PPP2R1B: variants seen among roughly 807,000 people sequenced by gnomAD.
PPP2R1B encodes serine/threonine-protein phosphatase 2A 65 kDa regulatory subunit A beta isoform.
PPP2R1B carries 58 observed loss-of-function variants against 72.7 expected under a neutral mutation model. That is an observed-to-expected ratio of 0.80 (90% CI 0.65 to 0.99). PPP2R1B has a LOEUF of 0.99. Ranked by LOEUF, PPP2R1B falls within the 50% of genes least tolerant of loss-of-function variation. The probability of loss-of-function intolerance (pLI) is 0.00; values close to 1 mark genes in which losing one functional copy is unlikely to be tolerated. For missense variants in PPP2R1B, 695 were observed against 733.6 expected (o/e 0.95, Z 0.61); for synonymous variants, 256 against 264.6 (o/e 0.97, Z 0.32).
chr11:111,697,977 C>T, the PPP2R1B span, among the ~76,000 whole-genome samples: 2 of 152,130 alleles, frequency 1.3e-5, no homozygotes, highest in Non-Finnish European at 2.9e-5. Context: ...CACCACTGCC[C>T]TCCAGCCTGG....
At chr11:111,755,150 C>G (rs1360491897) in intron 6 of PPP2R1B, 56 bp from the exon 7 acceptor site, 1 of 1,548,562 alleles carries the variant, frequency 6.5e-7, no homozygotes, top group Non-Finnish European at 8.8e-7. Context: ...TTAACAAGAA[C>G]AAAACAAAAT....
In PPP2R1B at chr11:111,728,716, C is replaced by G. The variant is rs558324121; in HGVS notation, c.1912-1659G>C. On this transcript the variant is annotated intron_variant, in intron 15 of 15. Coordinates refer to the PPP2R1B transcript ENST00000311129. ...GGCCAAGGCAGGCGGATCACGAGGTCAGGAGATTGAGACCATCCTAACACA... is the reference window on the plus strand; with the variant it reads ...GGCCAAGGCAGGCGGATCACGAGGTGAGGAGATTGAGACCATCCTAACACA... 3 of 152,286 alleles carry G rather than the reference C, an allele frequency of 2.0e-5. No individual in the cohort carries two copies. In the South Asian group the frequency reaches 6.2e-4, roughly 32 times the overall value. The allele number at this position is 152,286 out of a possible 1,614,324, so 9.4% of individuals were successfully genotyped here.
chr11:111,747,723 G>A (rs1320598303), intron 11 of PPP2R1B, among the ~76,000 whole-genome samples: 2 of 152,144 alleles, frequency 1.3e-5, no homozygotes, highest in Non-Finnish European at 2.9e-5. Context: ...AATAGATTGA[G>A]TAAGAAAATA....
At chr11:111,697,757 G>A in the PPP2R1B span, among the ~76,000 whole-genome samples, 1 of 151,938 alleles carries the variant, frequency 6.6e-6, no homozygotes, top group Non-Finnish European at 1.5e-5. Flanking sequence ...TTTGGGTGCT[G>A]AGGCAGGAGG....
At chr11:111,747,761 A>G (rs1944755301) in intron 11 of PPP2R1B, among the ~76,000 whole-genome samples, 193 bp downstream of exon 11, 1 of 152,252 alleles carries the variant, frequency 6.6e-6, no homozygotes, top group Admixed American at 6.5e-5. Context: ...AATGGAGAAA[A>G]TAAAATCGAA....
At chr11:111,721,356 C>T in the PPP2R1B span, among the ~76,000 whole-genome samples, 5 of 152,146 alleles carry the variant, frequency 3.3e-5, no homozygotes, top group Non-Finnish European at 7.4e-5. Context: ...TTGAACTCCC[C>T]TTCTCCTGCC....
At chr11:111,753,753 G>A (rs980689395) in intron 8 of PPP2R1B, among the ~76,000 whole-genome samples, 176 bp from the exon 9 acceptor site, 4 of 151,850 alleles carry the variant, frequency 2.6e-5, no homozygotes, top group Non-Finnish European at 4.4e-5. Flanking sequence ...GAGTAGCTGG[G>A]TCTACAGACA....
chr11:111,723,750 C>T, downstream of PPP2R1B: 1 of 1,614,110 alleles, frequency 6.2e-7, no homozygotes, highest in Non-Finnish European at 8.5e-7. Flanking sequence ...CAGCTTCAGC[C>T]CCTGCCCTCC....
At chr11:111,720,794 C>A in the PPP2R1B span, 1 of 1,569,258 alleles carries the variant, frequency 6.4e-7, no homozygotes, top group Non-Finnish European at 8.6e-7. Flanking sequence ...TTTTGAAACT[C>A]GCGTCGTAGG....
At chr11:111,758,010 T>C (rs1394057277) in intron 5 of PPP2R1B, among the ~76,000 whole-genome samples, 1 of 152,124 alleles carries the variant, frequency 6.6e-6, no homozygotes, top group African/African-American at 2.4e-5. Context: ...CCAATAATAC[T>C]AACCTATTGA....
At chr11:111,737,522 C>T, downstream of PPP2R1B, 1 of 1,614,234 alleles carries the variant, frequency 6.2e-7, no homozygotes, top group East Asian at 2.2e-5. Flanking sequence ...CTGGGTTCTC[C>T]ACTGTCCTTC....
At chr11:111,747,470 T>C (rs1944743275) in intron 11 of PPP2R1B, among the ~76,000 whole-genome samples, 1 of 152,352 alleles carries the variant, frequency 6.6e-6, no homozygotes, top group Non-Finnish European at 1.5e-5. Flanking sequence ...TCTCTCCCTA[T>C]GGCAAAGCTA....
chr11:111,765,611 G>A (rs1945498267), intron 1 of PPP2R1B, among the ~76,000 whole-genome samples: 1 of 152,248 alleles, frequency 6.6e-6, no homozygotes, highest in East Asian at 1.9e-4. Context: ...AGAAGGGACC[G>A]GAAGAGAAAT....
chr11:111,755,250 T>A, intron 6 of PPP2R1B, 45 bp downstream of exon 6: 4 of 1,565,394 alleles, frequency 2.6e-6, no homozygotes, highest in Non-Finnish European at 3.5e-6. Flanking sequence ...CAAATCTATG[T>A]GTTTTCAGGT....
chr11:111,721,909 T>G, downstream of PPP2R1B: 2 of 1,611,242 alleles, frequency 1.2e-6, no homozygotes, highest in Non-Finnish European at 1.7e-6. Flanking sequence ...CGGCAGAGCC[T>G]GGAGACCCAG....
chr11:111,729,942 C>T (rs984446811), intron 15 of PPP2R1B: 1 of 152,318 alleles, frequency 6.6e-6, no homozygotes, highest in Non-Finnish European at 1.5e-5. Context: ...CTACAGAACA[C>T]CCCCTTCCTC....
At chr11:111,714,864 G>A in the PPP2R1B span, among the ~76,000 whole-genome samples, 14 of 152,288 alleles carry the variant, frequency 9.2e-5, no homozygotes, top group African/African-American at 3.1e-4. Context: ...TGCTACTACA[G>A]TCCCACTCAG....
the PPP2R1B span, among the ~76,000 whole-genome samples, chr11:111,706,775 C>T: frequency 6.6e-6 from 1 of 151,926 alleles, no homozygotes; most frequent in Non-Finnish European, 1.5e-5. Flanking sequence ...TCCTGGCCAA[C>T]ATGGTGAAAC....
the PPP2R1B span, among the ~76,000 whole-genome samples, chr11:111,701,881 A>T: frequency 6.6e-6 from 1 of 152,318 alleles, no homozygotes; most frequent in South Asian, 2.1e-4. This position sits in a 1 kb window ranked among gnomAD's most constrained non-coding sequence, Gnocchi z 4.2. Flanking sequence ...ACAGATTCAC[A>T]ACCATTTTAC....
Sources: allele counts gnomAD v4.1 joint callset (sites outside exome capture counted in the v4.1 genomes callset), GRCh38; gene constraint gnomAD v4.1.1; non-coding constraint Gnocchi (gnomAD v3.1); transcripts MANE v1.5; gene names NCBI Gene and HGNC (gene_info 2026-07-23, HGNC 2026-07-21).